EYS: variants seen among roughly 807,000 people sequenced by gnomAD.
EYS encodes the protein EGF-like photoreceptor maintenance factor, also known as protein eyes shut homolog.
EYS carries 250 observed loss-of-function variants against 282.1 expected under a neutral mutation model. That is an observed-to-expected ratio of 0.89 (90% CI 0.80 to 0.98). The LOEUF is 0.98. EYS is among the 50% of genes least tolerant of loss of function. The pLI, the probability that EYS is intolerant of heterozygous loss-of-function variation, is 0.00. For missense variants in EYS, 4,016 were observed against 3,709.0 expected, an observed-to-expected ratio of 1.08 and a Z score of -2.15; for synonymous variants, 1,355 against 1,282.9, an observed-to-expected ratio of 1.06 and a Z score of -1.20.
rs914825407 is a variant in EYS at position 65,252,355 on chromosome 6, T to C, written c.2023+43508A>G. ...AACCACATCACAGATTGACCATTGATGGCAAACACTTAGGATAAATACAAA... is the reference window on the plus strand; with the variant it reads ...AACCACATCACAGATTGACCATTGACGGCAAACACTTAGGATAAATACAAA... On this transcript the variant is annotated intron_variant, in intron 12 of 42. Coordinates refer to ENST00000503581, the MANE Select transcript of EYS (RefSeq NM_001142800.2). Among the ~76,000 whole-genome samples the C allele has an allele frequency of 4.6e-5, 7 of 151,982 alleles. 1 individual carries two copies. The highest frequency in any genetic ancestry group is 1.7e-4 in the African/African-American group (7 of 41,408).
At chr6:63,831,494 C>T (rs1481957961) in intron 36 of EYS, among the ~76,000 whole-genome samples, 3 of 152,138 alleles carry the variant, frequency 2.0e-5, no homozygotes, top group Non-Finnish European at 4.4e-5. Flanking sequence ...GTAAAGGGAT[C>T]AATTCAACAA....
intron 28 of EYS, among the ~76,000 whole-genome samples, chr6:64,390,078 C>G (rs533379726): frequency 2.6e-5 from 4 of 152,006 alleles, no homozygotes; most frequent in African/African-American, 7.2e-5. Context: ...GCTTAAAAAA[C>G]GGCACATCAC....
chr6:65,228,101 C>A (rs1487532408), intron 12 of EYS, among the ~76,000 whole-genome samples: 1 of 151,884 alleles, frequency 6.6e-6, no homozygotes, highest in Admixed American at 6.6e-5. Flanking sequence ...ACACAATTTT[C>A]AAAAATAGAT....
At chr6:64,988,658 A>G (rs1181996410) in intron 14 of EYS, among the ~76,000 whole-genome samples, 2 of 151,596 alleles carry the variant, frequency 1.3e-5, no homozygotes, top group Admixed American at 1.3e-4. Context: ...AAAAAATATT[A>G]TAGAGCATAA....
intron 22 of EYS, among the ~76,000 whole-genome samples, chr6:64,745,078 C>G (rs1055144897): frequency 6.6e-6 from 1 of 152,114 alleles, no homozygotes; most frequent in Non-Finnish European, 1.5e-5. Context: ...ACAGAGTGCG[C>G]TCATCATATT....
chr6:65,245,648 T>A (rs915947990), intron 12 of EYS, among the ~76,000 whole-genome samples: 1 of 152,158 alleles, frequency 6.6e-6, no homozygotes, highest in South Asian at 2.1e-4. Flanking sequence ...TAAATTACAT[T>A]TTTACTAGTG....
chr6:64,215,468 A>G (rs1167947998), intron 31 of EYS, among the ~76,000 whole-genome samples: 2 of 152,102 alleles, frequency 1.3e-5, no homozygotes, highest in Non-Finnish European at 2.9e-5. Flanking sequence ...GATTGAAATG[A>G]ATATAAAATT....
At chr6:65,393,954 A>T (rs1323875313) in intron 7 of EYS, among the ~76,000 whole-genome samples, 1 of 152,160 alleles carries the variant, frequency 6.6e-6, no homozygotes, top group Non-Finnish European at 1.5e-5. Flanking sequence ...TCTCTATATC[A>T]CAACATTTCT....
At chr6:64,701,449 T>C (rs1172188353) in intron 22 of EYS, among the ~76,000 whole-genome samples, 1 of 152,042 alleles carries the variant, frequency 6.6e-6, no homozygotes. Context: ...GAGACTAATA[T>C]CCAGAATCTA....
chr6:64,253,179 A>G (rs1767279465), intron 30 of EYS, among the ~76,000 whole-genome samples: 1 of 152,192 alleles, frequency 6.6e-6, no homozygotes, highest in African/African-American at 2.4e-5. Context: ...AGTTTAAATT[A>G]AAATTTAATA....
Position 63,778,153 on chromosome 6 carries a change from G to C in EYS, c.7751C>G (p.Thr2584Ser), listed in dbSNP as rs557892188. The change falls in exon 40 of 43, where the codon ACT (threonine) becomes AGT (serine). Residue 2584 changes from threonine to serine, a missense_variant. Coordinates refer to ENST00000503581, the MANE Select transcript of EYS (RefSeq NM_001142800.2). ...QGCIFTLQVR[T>S]EKDGHFRGLG... Reference sequence around the variant, plus strand: ...TCCTCTGAAATGGCCATCCTTCTCAGTGCGAACTTGAAGAGTGAAAATACA... The same window carrying C: ...TCCTCTGAAATGGCCATCCTTCTCACTGCGAACTTGAAGAGTGAAAATACA... 1.3e-4 allele frequency: 205 copies of C among 1,551,766 alleles called. No individual in the cohort carries two copies. The highest frequency in any genetic ancestry group is 6.6e-4 in the Middle Eastern group (4 of 6,016).
intron 2 of EYS, among the ~76,000 whole-genome samples, chr6:65,602,680 T>A (rs950800285): frequency 6.6e-6 from 1 of 151,976 alleles, no homozygotes; most frequent in Non-Finnish European, 1.5e-5. Context: ...CATTTGCAGT[T>A]TGTGGTTAAG....
At chr6:63,930,534 A>T (rs1055153942) in intron 35 of EYS, among the ~76,000 whole-genome samples, 3 of 152,192 alleles carry the variant, frequency 2.0e-5, no homozygotes, top group African/African-American at 7.2e-5. Context: ...ATATCCTAAA[A>T]CAACAAATAG....
At position 65,158,556 on chromosome 6, in the gene EYS, AG is replaced by A. The variant is rs538288208; in HGVS notation, c.2024-100830del. Among the ~76,000 whole-genome samples the A allele has an allele frequency of 1.2e-4, 18 of 151,032 alleles. No homozygotes were observed. In the South Asian group the frequency reaches 3.7e-3, roughly 31 times the overall value. On this transcript the variant is annotated intron_variant, in intron 12 of 42. Coordinates refer to ENST00000503581, the MANE Select transcript of EYS (RefSeq NM_001142800.2). The stretch of plus-strand genomic sequence containing the variant: ...AAATATGTTTGTGTTGATAACAGAA[AG>A]TCAACATTTGTAGATAATTTCCTTT...
intron 5 of EYS, among the ~76,000 whole-genome samples, chr6:65,471,879 T>A (rs1765230592): frequency 6.6e-6 from 1 of 152,094 alleles, no homozygotes; most frequent in Non-Finnish European, 1.5e-5. Flanking sequence ...CATGGCATTA[T>A]CCTTTTAAAT....
rs1446684570 is a variant in EYS at position 64,812,866 on chromosome 6, A to G, written c.3443+512T>C. Among the ~76,000 whole-genome samples the G allele has an allele frequency of 3.9e-5, 6 of 152,032 alleles. No homozygotes were observed. The South Asian group carries it at 1.2e-3, about 31-fold the overall frequency. The stretch of plus-strand genomic sequence containing the variant: ...ATAATCAGAAATAACAAAGGAAAAA[A>G]ATTCATCTCCTAAAATGTTTAAAAC... On this transcript the variant is annotated intron_variant, in intron 22 of 42. Coordinates refer to ENST00000503581, the MANE Select transcript of EYS (RefSeq NM_001142800.2).
At chr6:65,535,519 C>G (rs1361950215) in intron 2 of EYS, among the ~76,000 whole-genome samples, 1 of 152,140 alleles carries the variant, frequency 6.6e-6, no homozygotes, top group Non-Finnish European at 1.5e-5. Context: ...CCTCTCCAGC[C>G]ATGTGGAAGT....
chr6:63,983,058 A>T (rs554522093), intron 35 of EYS, among the ~76,000 whole-genome samples: 19 of 151,934 alleles, frequency 1.3e-4, no homozygotes, highest in African/African-American at 3.9e-4. Context: ...GGGTGATTAT[A>T]AAGCAAAATA....
At chr6:65,582,373 C>T (rs1039263600) in intron 2 of EYS, among the ~76,000 whole-genome samples, 3 of 151,960 alleles carry the variant, frequency 2.0e-5, no homozygotes, top group Non-Finnish European at 4.4e-5. Context: ...CAGTCAGGAC[C>T]AGGAAACTTA....
Sources: gnomAD v4.1 joint callset for allele counts (sites outside exome capture counted in the v4.1 genomes callset) on GRCh38, gnomAD v4.1.1 for gene constraint, MANE v1.5 for transcripts, NCBI Gene and HGNC (gene_info 2026-07-23, HGNC 2026-07-21) for gene names.